The following RYR3 variants were observed in gnomAD, a reference collection of about 807,000 sequenced individuals.
RYR3 encodes brain ryanodine receptor-calcium release channel.
RYR3 carries 207 observed loss-of-function variants against 584.3 expected under a neutral mutation model. The ratio of observed to expected loss-of-function variants is 0.35; its 90% confidence interval spans 0.32 to 0.40. The LOEUF (loss-of-function observed/expected upper bound fraction) is 0.40, where lower values mean the gene tolerates loss of function less well. RYR3 is among the 10% of genes least tolerant of loss of function. RYR3 has a pLI of 1.00. For missense variants in RYR3, 5,616 were observed against 6,089.2 expected (o/e 0.92, Z 2.59); for synonymous variants, 2,416 against 2,248.5 (o/e 1.07, Z -2.11).
intron 48 of RYR3, among the ~76,000 whole-genome samples, chr15:33,732,381 C>T (rs1363550217): frequency 2.1e-5 from 2 of 95,810 alleles, no homozygotes; most frequent in Non-Finnish European, 4.5e-5. Context: ...GAGCAAGACT[C>T]CATCTCAAAA....
intron 94 of RYR3, among the ~76,000 whole-genome samples, chr15:33,848,801 C>T (rs930412982): frequency 1.4e-5 from 2 of 145,132 alleles, no homozygotes; most frequent in African/African-American, 2.6e-5. Flanking sequence ...CACAGCACTG[C>T]TATAACTGCC....
intron 1 of RYR3, among the ~76,000 whole-genome samples, chr15:33,361,619 A>G (rs915845504): frequency 1.3e-5 from 2 of 152,312 alleles, no homozygotes; most frequent in Non-Finnish European, 1.5e-5. Flanking sequence ...ATAGGGGCTA[A>G]ATAAGCAGCA....
intron 1 of RYR3, among the ~76,000 whole-genome samples, chr15:33,328,611 TC>T (rs1970024196): frequency 6.6e-6 from 1 of 152,218 alleles, no homozygotes; most frequent in African/African-American, 2.4e-5. Context: ...TGCATATATT[TC>T]CTATGCTTTA....
intron 1 of RYR3, among the ~76,000 whole-genome samples, chr15:33,353,783 C>T (rs897982891): frequency 1.3e-5 from 2 of 151,232 alleles, no homozygotes; most frequent in East Asian, 3.9e-4. Flanking sequence ...ATTTTTTTTT[C>T]AGGTAGGTCT....
chr15:33,612,794 GAC>G (rs938170213), intron 18 of RYR3, among the ~76,000 whole-genome samples: 3 of 152,164 alleles, frequency 2.0e-5, no homozygotes, highest in African/African-American at 4.8e-5. Context: ...CAACTAAACA[GAC>G]ACACACACCA....
chr15:33,629,599 A>G (rs933735796), intron 21 of RYR3, among the ~76,000 whole-genome samples: 5 of 152,358 alleles, frequency 3.3e-5, no homozygotes, highest in Admixed American at 6.5e-5. Context: ...AGCCTGTCCT[A>G]TGCTGAAGAA....
intron 89 of RYR3, among the ~76,000 whole-genome samples, chr15:33,840,122 C>A (rs1332092626): frequency 6.6e-6 from 1 of 152,174 alleles, no homozygotes; most frequent in Non-Finnish European, 1.5e-5. Context: ...GTAGGCCCAA[C>A]AGAAATAGGT....
At chr15:33,642,998 C>T (rs2061913599) in intron 27 of RYR3, among the ~76,000 whole-genome samples, 1 of 152,218 alleles carries the variant, frequency 6.6e-6, no homozygotes, top group Non-Finnish European at 1.5e-5. Flanking sequence ...TTACGTTTCA[C>T]TTATGTAACT....
At chr15:33,850,851 GGTTA>G (rs1378284307) in intron 94 of RYR3, 2 of 151,992 alleles carry the variant, frequency 1.3e-5, no homozygotes, top group African/African-American at 2.4e-5. Flanking sequence ...GTTCATTAGT[GGTTA>G]GTAATATTAA....
intron 101 of RYR3, 143 bp downstream of exon 101, chr15:33,860,802 C>G (rs1458992302): frequency 1.6e-5 from 11 of 708,626 alleles, no homozygotes; most frequent in Middle Eastern, 2.6e-4. Context: ...GTTCTCTGCA[C>G]CCTGCCATAC....
intron 38 of RYR3, among the ~76,000 whole-genome samples, chr15:33,692,656 C>G (rs979713061): frequency 6.8e-6 from 1 of 146,700 alleles, no homozygotes; most frequent in Non-Finnish European, 1.5e-5. Flanking sequence ...TCAGCTTGGT[C>G]ACACATAAAT....
Position 33,838,924 on chromosome 15 carries a change from T to C in RYR3, c.12944T>C (p.Leu4315Ser), listed in dbSNP as rs1371073762. 6.2e-7 allele frequency: 1 copy of C among 1,613,582 alleles called. No individual in the cohort carries two copies. The highest frequency in any genetic ancestry group is 2.2e-5 in the East Asian group (1 of 44,882). ...ATTGGCAAGGATGAACCCCCTACATTAGAGAGTACTGTACAGAAGAAGAGG... is the reference window on the plus strand; with the variant it reads ...ATTGGCAAGGATGAACCCCCTACATCAGAGAGTACTGTACAGAAGAAGAGG... ...EIIGKDEPPT[L>S]ESTVQKKRKA... Residue 4315 changes from leucine to serine, a missense_variant, in exon 89 of 104, where the codon TTA becomes TCA. Coordinates refer to ENST00000634891, the MANE Select transcript of RYR3 (RefSeq NM_001036.6).
intron 10 of RYR3, among the ~76,000 whole-genome samples, chr15:33,556,723 C>T (rs2057089149): frequency 6.6e-6 from 1 of 152,120 alleles, no homozygotes; most frequent in South Asian, 2.1e-4. Context: ...ATTCTTCTTG[C>T]CGTGCGGTGC....
At chr15:33,420,538 A>C (rs2044165604) in intron 1 of RYR3, among the ~76,000 whole-genome samples, 1 of 152,150 alleles carries the variant, frequency 6.6e-6, no homozygotes, top group Non-Finnish European at 1.5e-5. Flanking sequence ...CAACATCCTG[A>C]TGAGGTAGAA....
chr15:33,710,534 C>T (rs768114832), intron 43 of RYR3, among the ~76,000 whole-genome samples: 1 of 152,020 alleles, frequency 6.6e-6, no homozygotes, highest in Non-Finnish European at 1.5e-5. Context: ...TGGCTCCCCA[C>T]AGCTCCACTA....
At chr15:33,460,879 A>G (rs1040637742) in intron 1 of RYR3, among the ~76,000 whole-genome samples, 5 of 147,692 alleles carry the variant, frequency 3.4e-5, no homozygotes, top group Non-Finnish European at 7.4e-5. Context: ...GATTTTTGAT[A>G]GGAACAGCCC....
At chr15:33,438,905 T>C (rs1050143154) in intron 1 of RYR3, among the ~76,000 whole-genome samples, 2 of 152,174 alleles carry the variant, frequency 1.3e-5, no homozygotes, top group Non-Finnish European at 2.9e-5. Flanking sequence ...AACAAAAGGA[T>C]ACATAACAAA....
intron 20 of RYR3, among the ~76,000 whole-genome samples, chr15:33,625,346 A>G (rs2060931126): frequency 6.6e-6 from 1 of 152,184 alleles, no homozygotes; most frequent in Non-Finnish European, 1.5e-5. Context: ...GAGCCAAACT[A>G]TATCACTTTT....
At chr15:33,715,972 G>T (rs956608621) in intron 43 of RYR3, among the ~76,000 whole-genome samples, 1 of 152,140 alleles carries the variant, frequency 6.6e-6, no homozygotes, top group African/African-American at 2.4e-5. Flanking sequence ...GTGGAGCCTG[G>T]TGGGACGTGT....
Sources: gnomAD v4.1 joint callset for allele counts (sites outside exome capture counted in the v4.1 genomes callset) on GRCh38, gnomAD v4.1.1 for gene constraint, MANE v1.5 for transcripts, NCBI Gene and HGNC (gene_info 2026-07-23, HGNC 2026-07-21) for gene names.